MARCHF6: variants seen among roughly 807,000 people sequenced by gnomAD.
MARCHF6 encodes the protein membrane associated ring-CH-type finger 6.
Under a neutral mutation model 133.7 loss-of-function variants are expected in MARCHF6, and 31 were observed. The observed-to-expected ratio is 0.23, with a 90% confidence interval of 0.17 to 0.31. MARCHF6 has a LOEUF of 0.31. MARCHF6 is among the 10% of genes least tolerant of loss of function. The pLI is 1.00. For missense variants in MARCHF6, 723 were observed against 1,121.6 expected, an observed-to-expected ratio of 0.64 and a Z score of 5.08; for synonymous variants, 395 against 402.5, an observed-to-expected ratio of 0.98 and a Z score of 0.22.
chr5:10,434,441 A>AG lies in MARCHF6; in HGVS notation c.*758dup, dbSNP rs1740509125. The stretch of plus-strand genomic sequence containing the variant: ...TTCAGTGGGGCATGTCTATACTTAG[A>AG]GAAAAAAAGTCCAAATGAAGATTTT... On this transcript the variant is annotated 3_prime_UTR_variant, in exon 26 of 26. Coordinates refer to ENST00000274140, the MANE Select transcript of MARCHF6 (RefSeq NM_005885.4). 6.6e-6 allele frequency: 1 copy of AG among 152,474 alleles called. No individual in the cohort carries two copies. The highest frequency in any genetic ancestry group is 1.5e-5 in the Non-Finnish European group (1 of 68,062). The allele number at this position is 152,474 out of a possible 1,614,324, so 9.4% of individuals were successfully genotyped here.
rs557185329 is a variant in MARCHF6 at position 10,382,276 on chromosome 5, G to A, written c.334+333G>A. On this transcript the variant is annotated intron_variant, in intron 4 of 25. Coordinates refer to ENST00000274140, the MANE Select transcript of MARCHF6 (RefSeq NM_005885.4). ...GCTACAAAAGACGGCCGGGCGCGGTGGCTTATGCCTGTAATCCCAGCACTT... is the reference window on the plus strand; with the variant it reads ...GCTACAAAAGACGGCCGGGCGCGGTAGCTTATGCCTGTAATCCCAGCACTT... Among the ~76,000 whole-genome samples the A allele has an allele frequency of 1.2e-3, 187 of 152,282 alleles. 1 individual carries two copies. The highest frequency in any genetic ancestry group is 4.0e-3 in the African/African-American group (168 of 41,556).
At chr5:10,425,623 A>G (rs1313030337) in intron 23 of MARCHF6, among the ~76,000 whole-genome samples, 3 of 152,236 alleles carry the variant, frequency 2.0e-5, no homozygotes, top group Non-Finnish European at 4.4e-5. Flanking sequence ...TTGCCATTCA[A>G]ATTCCGAGGT....
At chr5:10,403,256 C>T in intron 14 of MARCHF6, 151 bp from the exon 15 acceptor site, 1 of 666,972 alleles carries the variant, frequency 1.5e-6, no homozygotes, top group Non-Finnish European at 2.5e-6. Context: ...GTATATAGTT[C>T]TGTGACACCG....
At chr5:10,433,490 A>C in intron 25 of MARCHF6, 104 bp from the exon 26 acceptor site, 2 of 833,722 alleles carry the variant, frequency 2.4e-6, no homozygotes, top group South Asian at 3.0e-5. Flanking sequence ...TGACTTGCCC[A>C]ACCATTGACG....
At chr5:10,415,268 G>C (rs746612630) in intron 20 of MARCHF6, among the ~76,000 whole-genome samples, 7 of 152,176 alleles carry the variant, frequency 4.6e-5, no homozygotes, top group Non-Finnish European at 8.8e-5. Flanking sequence ...TGTCCCAGTA[G>C]AGCTCGCCTC....
chr5:10,389,724 T>G (rs562080142), intron 5 of MARCHF6, among the ~76,000 whole-genome samples: 5 of 152,182 alleles, frequency 3.3e-5, no homozygotes, highest in Non-Finnish European at 7.3e-5. Context: ...TCTATAAAAT[T>G]TATAATAGAC....
chr5:10,372,301 T>C (rs984648233), intron 1 of MARCHF6, among the ~76,000 whole-genome samples: 1 of 152,198 alleles, frequency 6.6e-6, no homozygotes, highest in African/African-American at 2.4e-5. Flanking sequence ...GTCTGTGTAC[T>C]ATTGTTAGTG....
rs1286393492 is a variant in MARCHF6, at chr5:10,360,134, A to ATG, written c.19+6227_19+6228dup. 6.8e-4 allele frequency among the ~76,000 whole-genome samples: 89 copies of ATG among 131,528 alleles called. No homozygotes were observed. In the Middle Eastern group the frequency reaches 0.012, roughly 17 times the overall value. 86.3% of individuals were successfully genotyped at this position (131,528 alleles called of 152,430 possible). A position where few individuals can be genotyped will look rare whatever the true frequency, so the allele number is the denominator to read the frequency against. On this transcript the variant is annotated intron_variant, in intron 1 of 25. Transcript: ENST00000274140. Reference sequence around the variant, plus strand: ...TAGTTTTTCGGGAGTCAAAAGTTGTATGTGTGTGTGTTTTTTTTTTTTTTT... The same window carrying ATG: ...TAGTTTTTCGGGAGTCAAAAGTTGTATGTGTGTGTGTGTTTTTTTTTTTTTTT...
chr5:10,390,295 T>C, intron 5 of MARCHF6, 37 bp from the exon 6 acceptor site: 1 of 1,574,232 alleles, frequency 6.4e-7, no homozygotes, highest in Non-Finnish European at 8.6e-7. Context: ...TTTTAAGTCT[T>C]CTTTGGAGTA....
chr5:10,380,701 G>A (rs548234672), intron 3 of MARCHF6, among the ~76,000 whole-genome samples: 40 of 152,216 alleles, frequency 2.6e-4, no homozygotes, highest in African/African-American at 6.5e-4. Context: ...TGAGGCAGGC[G>A]GACCACCTGA....
intron 1 of MARCHF6, among the ~76,000 whole-genome samples, chr5:10,357,470 G>A (rs1038148488): frequency 6.6e-6 from 1 of 151,906 alleles, no homozygotes; most frequent in Admixed American, 6.6e-5. Context: ...ATGCTTTACG[G>A]AACATATTCA....
chr5:10,430,338 G>C (rs192171861), intron 25 of MARCHF6, among the ~76,000 whole-genome samples: 1 of 135,774 alleles, frequency 7.4e-6, no homozygotes, highest in Non-Finnish European at 1.5e-5. Context: ...ACGGAGTCTC[G>C]CTCTGTTGCC....
intron 1 of MARCHF6, among the ~76,000 whole-genome samples, chr5:10,361,642 C>T (rs1204221845): frequency 2.0e-5 from 3 of 152,146 alleles, no homozygotes; most frequent in Admixed American, 2.0e-4. Context: ...GTTAGGGCTT[C>T]AACACGTGAA....
Position 10,359,814 on chromosome 5 carries a change from G to A in MARCHF6, c.19+5897G>A, listed in dbSNP as rs545641402. Among the ~76,000 whole-genome samples the A allele has an allele frequency of 3.6e-3, 542 of 152,226 alleles. 1 individual carries two copies. The highest frequency in any genetic ancestry group is 0.012 in the African/African-American group (503 of 41,536). ...GAGGTCAGGAGTTCGAGACCAGCCT[G>A]GACAACATGGCGAAACCCTGTCTCT... On this transcript the variant is annotated intron_variant, in intron 1 of 25. Transcript: ENST00000274140.
chr5:10,424,598 A>G (rs192324365), intron 23 of MARCHF6, among the ~76,000 whole-genome samples: 97 of 152,290 alleles, frequency 6.4e-4, no homozygotes, highest in African/African-American at 2.2e-3. Context: ...CTTTATCTGA[A>G]GGTTAACCAG....
intron 5 of MARCHF6, 80 bp downstream of exon 5, chr5:10,387,146 A>G: frequency 9.7e-7 from 1 of 1,034,284 alleles, no homozygotes; most frequent in East Asian, 2.6e-5. Flanking sequence ...ATTTTATTAT[A>G]ATTTGTAAAT....
chr5:10,432,195 G>GT (rs1428384983), intron 25 of MARCHF6, among the ~76,000 whole-genome samples: 1 of 152,248 alleles, frequency 6.6e-6, no homozygotes, highest in Non-Finnish European at 1.5e-5. Flanking sequence ...CTGGTGAAAA[G>GT]TAAGAGTTCC....
rs983000710 is a variant in MARCHF6, at chr5:10,414,326, G to A, written c.1897-107G>A. 33 of 660,036 alleles carry A rather than the reference G, an allele frequency of 5.0e-5. 1 individual carries two copies. In the South Asian group the frequency reaches 6.2e-4, roughly 12 times the overall value. 40.9% of individuals were successfully genotyped at this position (660,036 alleles called of 1,614,324 possible). On this transcript the variant is annotated intron_variant, in intron 19 of 25. Coordinates refer to ENST00000274140, the MANE Select transcript of MARCHF6 (RefSeq NM_005885.4). ...GTGAAATTGCAGGAAACCTGGCAAC[G>A]CAAATATAGATGATTTCTTTTTAAT...
chr5:10,374,169 A>T (rs992887824), intron 1 of MARCHF6, among the ~76,000 whole-genome samples: 3 of 152,218 alleles, frequency 2.0e-5, no homozygotes, highest in Non-Finnish European at 4.4e-5. Flanking sequence ...ACCCTGGAGG[A>T]TAATGATTAA....
Sources: gnomAD v4.1 joint callset for allele counts (sites outside exome capture counted in the v4.1 genomes callset) on GRCh38, gnomAD v4.1.1 for gene constraint, MANE v1.5 for transcripts, NCBI Gene and HGNC (gene_info 2026-07-23, HGNC 2026-07-21) for gene names.